The following ATP13A2 variants were observed in gnomAD, a reference collection of about 807,000 sequenced individuals.
ATP13A2 encodes polyamine-transporting ATPase 13A2.
Under a neutral mutation model 138.3 loss-of-function variants are expected in ATP13A2, and 83 were observed. The observed-to-expected ratio is 0.60, with a 90% CI of 0.50 to 0.72. ATP13A2 has a LOEUF of 0.72. Ranked by LOEUF, ATP13A2 falls within the 30% of genes least tolerant of loss-of-function variation. The probability of loss-of-function intolerance (pLI) is 0.00; values close to 1 mark genes in which losing one functional copy is unlikely to be tolerated. For missense variants in ATP13A2, 1,402 were observed against 1,606.4 expected, an observed-to-expected ratio of 0.87 and a Z score of 2.17; for synonymous variants, 663 against 699.0, an observed-to-expected ratio of 0.95 and a Z score of 0.81.
rs1339574642 is a variant in ATP13A2, at chr1:16,996,446, G to A, written c.1246C>T (p.Pro416Ser). Residue 416 changes from proline (P) to serine (S), a missense_variant, in exon 13 of 29, where the codon CCC becomes TCC. Pro to Ser is a moderately conservative substitution (Grantham distance 74, BLOSUM62 -1). Transcript: ENST00000326735. ...TGTTTATAGAACTTGAAGTTGATGG[G>A]CCGGGGGTGCAAGATGGAGCTCACC... ...GLVSSILHPR[P>S]INFKFYKHSM... The A allele has an allele frequency of 6.2e-7, 1 of 1,614,150 alleles. No homozygotes were observed. The highest frequency in any genetic ancestry group is 8.5e-7 in the Non-Finnish European group (1 of 1,180,030).
chr1:16,987,283 G>A lies in ATP13A2; in HGVS notation c.2860-14C>T, dbSNP rs1307912139. On this transcript the variant is annotated splice_polypyrimidine_tract_variant and intron_variant, in intron 25 of 28. Coordinates refer to ENST00000326735, the MANE Select transcript of ATP13A2 (RefSeq NM_022089.4). ...GTTGGTGTTGATCTGCCACAGGGAA[G>A]GGAGGACAGAGGGGAAACTAAGACC... 1 of 1,612,920 alleles carries A rather than the reference G, an allele frequency of 6.2e-7. No individual in the cohort carries two copies. The highest frequency in any genetic ancestry group is 2.2e-5 in the East Asian group (1 of 44,858).
rs61734958 is a variant in ATP13A2 at position 16,992,042 on chromosome 1, A to G, written c.2093T>C (p.Val698Ala). 1,328 of 1,613,402 alleles carry G rather than the reference A, an allele frequency of 8.2e-4. 6 individuals carry two copies. In the African/African-American group the frequency reaches 0.016, roughly 19 times the overall value. Residue 698 changes from valine (V) to alanine (A), a missense_variant, in exon 19 of 29, where the codon GTG (valine) becomes GCG (alanine). Physicochemically the swap from Val to Ala is moderately conservative, Grantham distance 64. Transcript: ENST00000326735. ...VALASKPLPT[V>A]PSLEAAQQLT... ...TTGCTGGGCTGCCTCCAGGCTGGGC[A>G]CAGTGGGCAGTGGCTTGCTGGCCAG...
At chr1:16,987,396 G>C in intron 25 of ATP13A2, 127 bp from the exon 26 acceptor site, 2 of 915,086 alleles carry the variant, frequency 2.2e-6, no homozygotes, top group Non-Finnish European at 3.5e-6. Flanking sequence ...AGTCTAATGG[G>C]GGCCGTACTC....
At position 17,004,229 on chromosome 1, in the gene ATP13A2, A is replaced by G; in HGVS notation, c.557+103T>C. The G allele has an allele frequency of 8.1e-7, 1 of 1,237,658 alleles. No individual in the cohort carries two copies. The highest frequency in any genetic ancestry group is 1.2e-6 in the Non-Finnish European group (1 of 861,218). The allele number at this position is 1,237,658 out of a possible 1,614,324, so 76.7% of individuals were successfully genotyped here. On this transcript the variant is annotated intron_variant, in intron 6 of 28. Transcript: ENST00000326735. The surrounding 1 kb of genome is among the most constrained non-coding windows in gnomAD (Gnocchi z 4.1). ...GCCCAAGGTTTCAGACAGCAAAAGCATCAGAGCTGAGAGGGGAGCCCAGGC... is the reference window on the plus strand; with the variant it reads ...GCCCAAGGTTTCAGACAGCAAAAGCGTCAGAGCTGAGAGGGGAGCCCAGGC...
In ATP13A2 at chr1:16,992,476, CT is replaced by C. The variant is rs1281703127; in HGVS notation, c.1845+9del. The C allele has an allele frequency of 6.2e-7, 1 of 1,614,080 alleles. No individual in the cohort carries two copies. On this transcript the variant is annotated intron_variant, in intron 17 of 28. Transcript: ENST00000326735. Reference sequence around the variant, plus strand: ...TCTGCCCTGCACCCAACAGGCCCCCCTCAGCTCACCATTGCCTGCAGCTGGG... The same window carrying C: ...TCTGCCCTGCACCCAACAGGCCCCCCCAGCTCACCATTGCCTGCAGCTGGG...
chr1:16,994,197 C>CTCTCTCATTT lies in ATP13A2; in HGVS notation c.1543-363_1543-362insAAATGAGAGA, dbSNP rs762110883. 3.7e-3 allele frequency among the ~76,000 whole-genome samples: 541 copies of CTCTCTCATTT among 147,406 alleles called. 1 individual carries two copies. The highest frequency in any genetic ancestry group is 9.1e-3 in the Admixed American group (133 of 14,610). ...CACGGTTGGCTCGCTCTCTCTCTCTCATTTATTTATTTATTTATTTATTTA... is the reference window on the plus strand; with the variant it reads ...CACGGTTGGCTCGCTCTCTCTCTCTCTCTCTCATTTATTTATTTATTTATTTATTTATTTA... On this transcript the variant is annotated intron_variant, in intron 15 of 28. Transcript: ENST00000326735.
Position 17,004,677 on chromosome 1 carries a change from T to G in ATP13A2, c.477+15A>C, listed in dbSNP as rs922336608. On this transcript the variant is annotated intron_variant, in intron 5 of 28. Coordinates refer to ENST00000326735, the MANE Select transcript of ATP13A2 (RefSeq NM_022089.4). This position sits in a 1 kb window ranked among gnomAD's most constrained non-coding sequence, Gnocchi z 4.1. ...CCGAGGCCGAGAGAGGGGCAAGGAC[T>G]TTTTCAGAACCCACCTGTCCGACAC... is the stretch of plus-strand genomic sequence containing the variant. The G allele has an allele frequency of 6.2e-7, 1 of 1,613,980 alleles. No homozygotes were observed.
rs922495404 is a variant in ATP13A2, at chr1:16,988,199, A to G, written c.2798T>C (p.Val933Ala). Residue 933 changes from valine (V) to alanine (A), a missense_variant, in exon 25 of 29, where the codon GTC becomes GCC. Coordinates refer to ENST00000326735, the MANE Select transcript of ATP13A2 (RefSeq NM_022089.4). Reference protein sequence around the residue: ...GRCSLDTSFSVFKYMALYSLT... With the variant: ...GRCSLDTSFSAFKYMALYSLT... ...GCTGTACAGAGCCATGTACTTGAAG[A>G]CGCTGAACGAAGTGTCAAGGGAACA... The G allele has an allele frequency of 6.2e-7, 1 of 1,614,172 alleles. No homozygotes were observed. The highest frequency in any genetic ancestry group is 8.5e-7 in the Non-Finnish European group (1 of 1,180,024).
At chr1:16,992,930 T>C (rs1211711489) in intron 16 of ATP13A2, among the ~76,000 whole-genome samples, 3 of 152,236 alleles carry the variant, frequency 2.0e-5, no homozygotes, top group Non-Finnish European at 4.4e-5. Flanking sequence ...GTTACTTTTA[T>C]TTTAAGACAG....
At chr1:16,996,820 G>A (rs2077143639) in intron 12 of ATP13A2, 200 bp downstream of exon 12, 2 of 725,534 alleles carry the variant, frequency 2.8e-6, no homozygotes, top group Admixed American at 2.3e-5. Flanking sequence ...TGCAATGCTT[G>A]GCCTTAGTCT....
At chr1:17,002,413 C>A (rs1237245584) in intron 6 of ATP13A2, 40 bp from the exon 7 acceptor site, 2 of 1,598,366 alleles carry the variant, frequency 1.3e-6, no homozygotes, top group African/African-American at 2.7e-5. Context: ...GGCCATGGGG[C>A]CTGAGGTCTG....
Position 16,986,783 on chromosome 1 carries a change from C to T in ATP13A2, c.3235+22G>A, listed in dbSNP as rs1393017165. On this transcript the variant is annotated intron_variant, in intron 27 of 28. Coordinates refer to ENST00000326735, the MANE Select transcript of ATP13A2 (RefSeq NM_022089.4). The surrounding 1 kb of genome is among the most constrained non-coding windows in gnomAD (Gnocchi z 6.9). ...TCCTCCCTCCCTCCGCCAGCATCTC[C>T]CGCCCGCGCCCGCAGTGGCACCATT... is the stretch of plus-strand genomic sequence containing the variant. 6.2e-7 allele frequency: 1 copy of T among 1,608,054 alleles called. No individual in the cohort carries two copies. Among genetic ancestry groups the T allele is most frequent in the South Asian group, 1.1e-5 (1 of 90,450 alleles).
rs1309023253 is a variant in ATP13A2, at chr1:16,995,834, G to A, written c.1542+142C>T. On this transcript the variant is annotated intron_variant, in intron 15 of 28. Transcript: ENST00000326735. This position sits in a 1 kb window ranked among gnomAD's most constrained non-coding sequence, Gnocchi z 4.1. ...CCAGTGAGGGCAGGAGTGGGATGGG[G>A]TGGATCCTCTGGGGGTTTCCATCCC... 1 of 998,502 alleles carries A rather than the reference G, an allele frequency of 1.0e-6. No homozygotes were observed. Among genetic ancestry groups the A allele is most frequent in the African/African-American group, 1.6e-5 (1 of 62,554 alleles). The allele number at this position is 998,502 out of a possible 1,614,324, so 61.9% of individuals were successfully genotyped here.
At chr1:16,994,990 C>T (rs1368444238) in intron 15 of ATP13A2, among the ~76,000 whole-genome samples, 2 of 152,146 alleles carry the variant, frequency 1.3e-5, no homozygotes, top group Admixed American at 6.5e-5. Flanking sequence ...CGCTCTGTGG[C>T]CCCCGACAGC....
In ATP13A2 at chr1:16,995,731, C is replaced by T. The variant is rs2100871317; in HGVS notation, c.1542+245G>A. The T allele has an allele frequency of 1.7e-6, 1 of 596,186 alleles. No homozygotes were observed. The highest frequency in any genetic ancestry group is 2.4e-5 in the Admixed American group (1 of 42,526). 36.9% of individuals were successfully genotyped at this position (596,186 alleles called of 1,614,324 possible). ...AAAGTGCTGGGATTACAGACGTGAGCCACCGCGCCCGGCCCCCCACCAGTT... is the reference window on the plus strand; with the variant it reads ...AAAGTGCTGGGATTACAGACGTGAGTCACCGCGCCCGGCCCCCCACCAGTT... On this transcript the variant is annotated intron_variant, in intron 15 of 28. Coordinates refer to ENST00000326735, the MANE Select transcript of ATP13A2 (RefSeq NM_022089.4). The surrounding 1 kb of genome is among the most constrained non-coding windows in gnomAD (Gnocchi z 4.1).
At chr1:16,999,959 G>C in intron 11 of ATP13A2, 52 bp downstream of exon 11, 1 of 1,551,378 alleles carries the variant, frequency 6.4e-7, no homozygotes, top group Non-Finnish European at 8.7e-7. Context: ...CAGGGCAAAG[G>C]GTTGGATGGC....
rs766408337 is a variant in ATP13A2 at position 17,005,508 on chromosome 1, C to A, written c.154G>T (p.Val52Phe). ...ATCCCAGCCATCATCCAGACCACGA[C>A]GTGATAGCCGATGACCCTCCATGGA... ...GSPWRVIGYHVVVWMMAGIPL... is the reference protein window; with the variant it reads ...GSPWRVIGYHFVVWMMAGIPL... The change falls in exon 3 of 29, where the codon GTC (valine) becomes TTC (phenylalanine). Residue 52 changes from valine (V) to phenylalanine (F), a missense_variant. By Grantham distance (50) the Val-to-Phe change is conservative (BLOSUM62 -1). Transcript: ENST00000326735. 9 of 1,614,120 alleles carry A rather than the reference C, an allele frequency of 5.6e-6. No individual in the cohort carries two copies. Among genetic ancestry groups the A allele is most frequent in the Non-Finnish European group, 7.6e-6 (9 of 1,180,060 alleles).
At chr1:16,991,917 C>T in intron 19 of ATP13A2, 59 bp from the exon 20 acceptor site, 1 of 1,612,762 alleles carries the variant, frequency 6.2e-7, no homozygotes, top group Non-Finnish European at 8.5e-7. Flanking sequence ...CCTCTCCCAG[C>T]CACCAGGCAG....
At chr1:16,987,352 G>T in intron 25 of ATP13A2, 83 bp from the exon 26 acceptor site, 2 of 1,318,298 alleles carry the variant, frequency 1.5e-6, no homozygotes, top group Non-Finnish European at 2.1e-6. Context: ...CCCCACCCCT[G>T]CCCCGAAGGA....
Sources: gnomAD v4.1 joint callset for allele counts (sites outside exome capture counted in the v4.1 genomes callset) on GRCh38, gnomAD v4.1.1 for gene constraint, Gnocchi (gnomAD v3.1) non-coding constraint, MANE v1.5 for transcripts, NCBI Gene and HGNC (gene_info 2026-07-23, HGNC 2026-07-21) for gene names.